Variants in ACAD9 observed in about 807,000 individuals in gnomAD.
ACAD9 encodes complex I assembly factor ACAD9, mitochondrial.
In ACAD9, 53 loss-of-function variants were observed where a neutral mutation model predicts 70.2. That is an observed-to-expected ratio of 0.75 (90% CI 0.61 to 0.95). The LOEUF (loss-of-function observed/expected upper bound fraction) is 0.95. Among genes scored for constraint, ACAD9 ranks in the 40% least tolerant of loss-of-function variants. The pLI, the probability that ACAD9 is intolerant of heterozygous loss-of-function variation, is 0.00. For synonymous variants in ACAD9, 313 were observed against 312.1 expected (o/e 1.00, Z -0.03); for missense variants, 777 against 802.8 (o/e 0.97, Z 0.39).
chr3:128,899,521 A>T lies in ACAD9; in HGVS notation c.808+60A>T, dbSNP rs1415993186. 8.6e-5 allele frequency: 104 copies of T among 1,211,150 alleles called. No individual in the cohort carries two copies. The African/African-American group carries it at 1.2e-3, about 14-fold the overall frequency. The allele number at this position is 1,211,150 out of a possible 1,614,324, so 75.0% of individuals were successfully genotyped here. On this transcript the variant is annotated intron_variant, in intron 7 of 17. Transcript: ENST00000308982. ...TGTGTAAGGGGGAGACTGGCCTTTGACGGTGTGTGTGTGTGTGTGTGTGTG... is the reference window on the plus strand; with the variant it reads ...TGTGTAAGGGGGAGACTGGCCTTTGTCGGTGTGTGTGTGTGTGTGTGTGTG...
At chr3:128,911,454 G>A (rs750774180) in intron 17 of ACAD9, among the ~76,000 whole-genome samples, 1 of 151,846 alleles carries the variant, frequency 6.6e-6, no homozygotes, top group African/African-American at 2.4e-5. Flanking sequence ...TTTTTTTGGA[G>A]ACATAGTCTC....
rs866697528 is a variant in ACAD9, at chr3:128,895,668, C to G, written c.453+252C>G. On this transcript the variant is annotated intron_variant, in intron 4 of 17. Transcript: ENST00000308982. ...TCCTGTCCCCATTGCCTCTGATCCA[C>G]CCTTCAAGGCCCAGGTAGGGTGCCA... 3.9e-5 allele frequency among the ~76,000 whole-genome samples: 6 copies of G among 152,298 alleles called. No homozygotes were observed. In the Middle Eastern group the frequency reaches 0.014, roughly 345 times the overall value.
At chr3:128,886,506 C>G (rs938143226) in intron 2 of ACAD9, among the ~76,000 whole-genome samples, 2 of 151,832 alleles carry the variant, frequency 1.3e-5, no homozygotes, top group African/African-American at 2.4e-5. Context: ...GTCGGGAGTT[C>G]GATACCAGCC....
In ACAD9 at chr3:128,902,385, A is replaced by T. The variant is rs749124987; in HGVS notation, c.883-168A>T. 6.6e-5 allele frequency among the ~76,000 whole-genome samples: 10 copies of T among 152,138 alleles called. No individual in the cohort carries two copies. Among genetic ancestry groups the T allele is most frequent in the Middle Eastern group, 3.4e-3 (1 of 294 alleles). ...ACGTTCAGTGGTCTTGTGTGTGGGG[A>T]TGTTGGTAGAGCTGCAACAGTGACT... is the stretch of plus-strand genomic sequence containing the variant. On this transcript the variant is annotated intron_variant, in intron 8 of 17. Transcript: ENST00000308982. The surrounding 1 kb of genome is among the most constrained non-coding windows in gnomAD (Gnocchi z 4.0).
chr3:128,910,662 C>CTGATTGAT (rs3830293), intron 16 of ACAD9, 79 bp from the exon 17 acceptor site: 1 of 1,503,286 alleles, frequency 6.7e-7, no homozygotes, highest in African/African-American at 1.4e-5. Context: ...CCCAGTTTGG[C>CTGATTGAT]TGATAGGCTG....
intron 1 of ACAD9, chr3:128,880,254 G>A: frequency 2.8e-6 from 1 of 351,180 alleles, no homozygotes; most frequent in Non-Finnish European, 5.5e-6. Flanking sequence ...GGTGAGCCCA[G>A]CGCCTCTCCC....
chr3:128,911,346 C>G (rs1936291235), intron 17 of ACAD9, among the ~76,000 whole-genome samples: 1 of 152,142 alleles, frequency 6.6e-6, no homozygotes, highest in South Asian at 2.1e-4. Context: ...GCATGAGCCA[C>G]CGCACCGGGC....
At chr3:128,883,519 G>T (rs184008696) in intron 1 of ACAD9, among the ~76,000 whole-genome samples, 5 of 151,972 alleles carry the variant, frequency 3.3e-5, no homozygotes, top group African/African-American at 1.2e-4. Flanking sequence ...TACCAAGCCC[G>T]TGTAATTTTT....
In ACAD9 at chr3:128,909,053, A is replaced by G; in HGVS notation, c.1439A>G (p.Asp480Gly). The G allele has an allele frequency of 1.2e-6, 2 of 1,614,054 alleles. No individual in the cohort carries two copies. Among genetic ancestry groups the G allele is most frequent in the African/African-American group, 2.7e-5 (2 of 75,032 alleles). Reference protein sequence around the residue: ...RLRDSLGRTVDLGLTGNHGVV... With the variant: ...RLRDSLGRTVGLGLTGNHGVV... ...CGGGACTCCCTGGGCCGAACTGTGG[A>G]CCTGGGGCTGACAGGCAACCATGGA... The change falls in exon 14 of 18, where the codon GAC becomes GGC. Residue 480 changes from aspartate to glycine, a missense_variant. Coordinates refer to ENST00000308982, the MANE Select transcript of ACAD9 (RefSeq NM_014049.5).
At chr3:128,907,305 G>A (rs1052596972) in intron 12 of ACAD9, among the ~76,000 whole-genome samples, 1 of 152,134 alleles carries the variant, frequency 6.6e-6, no homozygotes, top group Non-Finnish European at 1.5e-5. Flanking sequence ...GACATACGGG[G>A]CAAGGGCCAG....
In ACAD9 at chr3:128,912,119, T is replaced by A. The variant is rs142437704; in HGVS notation, c.1766-388T>A. Among the ~76,000 whole-genome samples the A allele has an allele frequency of 4.9e-3, 741 of 152,278 alleles. 8 individuals are homozygous for A. Among genetic ancestry groups the A allele is most frequent in the African/African-American group, 0.017 (705 of 41,566 alleles). On this transcript the variant is annotated intron_variant, in intron 17 of 17. Transcript: ENST00000308982. ...TGTGGCACTTGCTGAGAGTGGCATA[T>A]GATTTTTTGCAGGTCCTAGCCCTGG...
chr3:128,885,902 G>A (rs1400242425), intron 2 of ACAD9, among the ~76,000 whole-genome samples: 3 of 151,504 alleles, frequency 2.0e-5, no homozygotes, highest in South Asian at 2.1e-4. Flanking sequence ...CTGTAATCCC[G>A]GCTATTCAGG....
At chr3:128,903,609 C>T (rs934015254) in intron 9 of ACAD9, among the ~76,000 whole-genome samples, 1 of 152,218 alleles carries the variant, frequency 6.6e-6, no homozygotes, top group Non-Finnish European at 1.5e-5. Context: ...CTGGAAGCCC[C>T]AGCCTGAGTA....
chr3:128,893,801 G>A (rs1357598612), intron 3 of ACAD9, 145 bp downstream of exon 3: 2 of 720,892 alleles, frequency 2.8e-6, no homozygotes, highest in Non-Finnish European at 5.0e-6. Flanking sequence ...GGACCTGTAG[G>A]GAGGAAGTGT....
At chr3:128,895,789 TG>T (rs968757845) in intron 4 of ACAD9, among the ~76,000 whole-genome samples, 1 of 152,222 alleles carries the variant, frequency 6.6e-6, no homozygotes, top group African/African-American at 2.4e-5. Context: ...TTCTCCCCAC[TG>T]GGCTTGGAGC....
At chr3:128,899,238 G>T in intron 6 of ACAD9, 49 bp from the exon 7 acceptor site, 1 of 1,594,634 alleles carries the variant, frequency 6.3e-7, no homozygotes, top group South Asian at 1.1e-5. Flanking sequence ...AGCTGAGGTG[G>T]GTCACATAGG....
Position 128,909,153 on chromosome 3 carries a change from CCTT to C in ACAD9, c.1485+55_1485+57del, listed in dbSNP as rs1936021556. 1.9e-6 allele frequency: 3 copies of C among 1,611,052 alleles called. No homozygotes were observed. In the African/African-American group the frequency reaches 4.0e-5, roughly 22 times the overall value. Reference sequence around the variant, plus strand: ...ATTTCAATGCCCTCCTGCCAGATCTCCTTGTGGCAGAAAAGATCTCACTGTGGG... The same window carrying C: ...ATTTCAATGCCCTCCTGCCAGATCTCGTGGCAGAAAAGATCTCACTGTGGG... On this transcript the variant is annotated intron_variant, in intron 14 of 17. Transcript: ENST00000308982.
chr3:128,898,010 C>A (rs1935616721), intron 6 of ACAD9, among the ~76,000 whole-genome samples: 1 of 152,098 alleles, frequency 6.6e-6, no homozygotes, highest in Non-Finnish European at 1.5e-5. Context: ...GTGCGTGTCA[C>A]CACTCCTGGC....
chr3:128,911,404 G>A (rs1394382237), intron 17 of ACAD9, among the ~76,000 whole-genome samples: 3 of 152,122 alleles, frequency 2.0e-5, no homozygotes, highest in East Asian at 3.9e-4. Context: ...CTTTGCGCAG[G>A]ACCCCTGGCA....
Sources: allele counts gnomAD v4.1 joint callset (sites outside exome capture counted in the v4.1 genomes callset), GRCh38; gene constraint gnomAD v4.1.1; non-coding constraint Gnocchi (gnomAD v3.1); transcripts MANE v1.5; gene names NCBI Gene and HGNC (gene_info 2026-07-23, HGNC 2026-07-21).